The following LRMDA variants were observed in gnomAD, a reference collection of about 807,000 sequenced individuals.
LRMDA encodes leucine-rich melanocyte differentiation-associated protein.
In LRMDA, 18 loss-of-function variants were observed where a neutral mutation model predicts 29.8. The observed-to-expected ratio is 0.60, with a 90% CI of 0.42 to 0.90. The LOEUF (loss-of-function observed/expected upper bound fraction) is 0.90, where lower values mean the gene tolerates loss of function less well. Among genes scored for constraint, LRMDA ranks in the 40% least tolerant of loss-of-function variants. The pLI, the probability that LRMDA is intolerant of heterozygous loss-of-function variation, is 0.00. For missense variants in LRMDA, 273 were observed against 273.9 expected, an observed-to-expected ratio of 1.00 and a Z score of 0.02; for synonymous variants, 125 against 109.4, an observed-to-expected ratio of 1.14 and a Z score of -0.89.
chr10:76,436,655 C>G (rs991451484), intron 6 of LRMDA, among the ~76,000 whole-genome samples: 1 of 152,218 alleles, frequency 6.6e-6, no homozygotes, highest in Non-Finnish European at 1.5e-5. Flanking sequence ...CACCCCTGTG[C>G]TCTTCACACC....
chr10:75,894,185 C>T (rs1273717094), intron 2 of LRMDA, among the ~76,000 whole-genome samples: 1 of 151,966 alleles, frequency 6.6e-6, no homozygotes, highest in African/African-American at 2.4e-5. Flanking sequence ...CCCCCTCCCA[C>T]TCTTCCCCCC....
At chr10:76,189,539 C>T (rs1165061387) in intron 5 of LRMDA, among the ~76,000 whole-genome samples, 1 of 152,136 alleles carries the variant, frequency 6.6e-6, no homozygotes. Flanking sequence ...ACTGAAATCT[C>T]ACTTTTGAAA....
intron 2 of LRMDA, among the ~76,000 whole-genome samples, chr10:75,648,728 G>T (rs1037862206): frequency 4.6e-5 from 7 of 152,170 alleles, no homozygotes; most frequent in Admixed American, 1.3e-4. Context: ...TTCTAAGTTG[G>T]AAACAGAGAG....
chr10:75,443,486 T>A lies in LRMDA; in HGVS notation c.131+4992T>A, dbSNP rs143203863. ...CTGTTAATGTGGTATATATTATATATCAATAAATGTGGTATATCACATTTA... is the reference window on the plus strand; with the variant it reads ...CTGTTAATGTGGTATATATTATATAACAATAAATGTGGTATATCACATTTA... On this transcript the variant is annotated intron_variant, in intron 2 of 6. Transcript: ENST00000611255. Among the ~76,000 whole-genome samples the A allele has an allele frequency of 5.0e-3, 757 of 152,336 alleles. 11 individuals are homozygous for A. The highest frequency in any genetic ancestry group is 0.017 in the African/African-American group (720 of 41,572).
At chr10:76,157,914 C>T (rs941325952) in intron 5 of LRMDA, among the ~76,000 whole-genome samples, 3 of 152,054 alleles carry the variant, frequency 2.0e-5, no homozygotes, top group South Asian at 2.1e-4. Context: ...CAAACCTGTA[C>T]AGCATGTTCC....
At chr10:76,248,547 C>T (rs1363388134) in intron 5 of LRMDA, among the ~76,000 whole-genome samples, 1 of 152,100 alleles carries the variant, frequency 6.6e-6, no homozygotes. Context: ...CTTCCTAGCC[C>T]CAGATTTTGT....
At chr10:75,592,646 G>A (rs944592357) in intron 2 of LRMDA, among the ~76,000 whole-genome samples, 11 of 152,148 alleles carry the variant, frequency 7.2e-5, no homozygotes, top group African/African-American at 2.7e-4. Flanking sequence ...GTTTCCTCGC[G>A]GAGCCGCGTC....
At chr10:75,866,736 A>C (rs749375310) in intron 2 of LRMDA, among the ~76,000 whole-genome samples, 12 of 152,164 alleles carry the variant, frequency 7.9e-5, no homozygotes, top group Non-Finnish European at 1.8e-4. Context: ...AGCACTGCTG[A>C]ACATTAAGGA....
intron 2 of LRMDA, among the ~76,000 whole-genome samples, chr10:75,687,705 G>A (rs1407707313): frequency 2.6e-5 from 4 of 152,208 alleles, no homozygotes; most frequent in Admixed American, 2.6e-4. Flanking sequence ...CCTTCTATTG[G>A]AAGAAGATGC....
intron 2 of LRMDA, among the ~76,000 whole-genome samples, chr10:75,532,056 G>GAAAAAAAAAAAAAAAAAAAAAAAAAAA (rs60697116): frequency 5.2e-5 from 5 of 95,386 alleles, no homozygotes; most frequent in Non-Finnish European, 6.1e-5. Flanking sequence ...AAGAAAGAAA[G>GAAAAAAAAAAAAAAAAAAAAAAAAAAA]AAAAAAAAAA....
chr10:76,434,834 C>T (rs889770029), intron 6 of LRMDA, among the ~76,000 whole-genome samples: 1 of 152,210 alleles, frequency 6.6e-6, no homozygotes, highest in Non-Finnish European at 1.5e-5. Flanking sequence ...TGTACACGCA[C>T]ACACTGCCAC....
intron 2 of LRMDA, among the ~76,000 whole-genome samples, chr10:75,926,084 T>C (rs919146228): frequency 2.0e-5 from 3 of 152,206 alleles, no homozygotes; most frequent in Non-Finnish European, 4.4e-5. Context: ...GTCCATTCTT[T>C]TAATCCATGT....
At chr10:76,536,456 T>A (rs1008361730) in intron 6 of LRMDA, among the ~76,000 whole-genome samples, 1 of 152,132 alleles carries the variant, frequency 6.6e-6, no homozygotes, top group Non-Finnish European at 1.5e-5. Flanking sequence ...GATCCAGCAA[T>A]CTTTGTTGAA....
At chr10:75,933,998 C>T (rs961722557) in intron 2 of LRMDA, among the ~76,000 whole-genome samples, 1 of 152,088 alleles carries the variant, frequency 6.6e-6, no homozygotes, top group African/African-American at 2.4e-5. Context: ...CTTGGGGTTC[C>T]TAGTAGCAGT....
intron 6 of LRMDA, among the ~76,000 whole-genome samples, chr10:76,436,105 T>C (rs1381105021): frequency 1.3e-5 from 2 of 152,172 alleles, no homozygotes; most frequent in East Asian, 3.9e-4. Flanking sequence ...CAGAGGTGGG[T>C]TGAGAGCCCA....
At chr10:75,497,501 A>G (rs903111225) in intron 2 of LRMDA, among the ~76,000 whole-genome samples, 1 of 151,660 alleles carries the variant, frequency 6.6e-6, no homozygotes, top group African/African-American at 2.4e-5. Flanking sequence ...TAAATGTACC[A>G]TTCTGTGAGT....
chr10:76,424,284 C>T (rs917299654), intron 6 of LRMDA, among the ~76,000 whole-genome samples: 1 of 152,012 alleles, frequency 6.6e-6, no homozygotes, highest in African/African-American at 2.4e-5. Flanking sequence ...GATTGACCTG[C>T]GTAACAGTTT....
At chr10:75,496,329 A>T (rs554206158) in intron 2 of LRMDA, among the ~76,000 whole-genome samples, 1 of 152,180 alleles carries the variant, frequency 6.6e-6, no homozygotes, top group Non-Finnish European at 1.5e-5. Flanking sequence ...AATCTATAAA[A>T]CAGAGCTAGT....
rs554058911 is a variant in LRMDA at position 75,445,507 on chromosome 10, C to T, written c.131+7013C>T. Reference sequence around the variant, plus strand: ...TGAATGTCCATGGTCCCAAATTCTTCCTTGAGCTTGCTCATATTTTACCTT... The same window carrying T: ...TGAATGTCCATGGTCCCAAATTCTTTCTTGAGCTTGCTCATATTTTACCTT... On this transcript the variant is annotated intron_variant, in intron 2 of 6. Coordinates refer to ENST00000611255, the MANE Select transcript of LRMDA (RefSeq NM_001305581.2). 1.1e-4 allele frequency among the ~76,000 whole-genome samples: 17 copies of T among 152,322 alleles called. No individual in the cohort carries two copies. The South Asian group carries it at 3.5e-3, about 32-fold the overall frequency.
Sources: allele counts gnomAD v4.1 joint callset (sites outside exome capture counted in the v4.1 genomes callset), GRCh38; gene constraint gnomAD v4.1.1; transcripts MANE v1.5; gene names NCBI Gene and HGNC (gene_info 2026-07-23, HGNC 2026-07-21).